The following DLGAP2 variants were observed in gnomAD, a reference collection of about 807,000 sequenced individuals.
DLGAP2 encodes the protein DLG associated protein 2, also known as disks large-associated protein 2.
DLGAP2 carries 26 observed loss-of-function variants against 100.3 expected under a neutral mutation model. That is an observed-to-expected ratio of 0.26 (90% CI 0.19 to 0.36). DLGAP2 has a LOEUF of 0.36. Ranked by LOEUF, DLGAP2 falls within the 10% of genes least tolerant of loss-of-function variation. The pLI, the probability that DLGAP2 is intolerant of heterozygous loss-of-function variation, is 1.00. For missense variants in DLGAP2, 1,858 were observed against 1,453.2 expected (o/e 1.28, Z -4.53); for synonymous variants, 886 against 630.1 (o/e 1.41, Z -6.08).
chr8:828,856 T>C (rs1384356001), intron 1 of DLGAP2, among the ~76,000 whole-genome samples: 1 of 152,236 alleles, frequency 6.6e-6, no homozygotes, highest in Non-Finnish European at 1.5e-5. Context: ...GTCCCTCCGT[T>C]TGGGGTCCCT....
chr8:1,204,387 G>C (rs1414521671), intron 2 of DLGAP2, among the ~76,000 whole-genome samples: 3 of 152,234 alleles, frequency 2.0e-5, no homozygotes, highest in Non-Finnish European at 4.4e-5. Flanking sequence ...GGATTTTGGA[G>C]TGAAGTGATA....
In DLGAP2 at chr8:1,496,873, A is replaced by C. The variant is rs145568301; in HGVS notation, c.107-4493A>C. On this transcript the variant is annotated intron_variant, in intron 3 of 14. Transcript: ENST00000637795. ...GGTTGGGTGTTGACTCCAAGGAAGC[A>C]CCAGGGCACAGAATAGCCAGACGAC... Among the ~76,000 whole-genome samples the C allele has an allele frequency of 9.7e-3, 1,478 of 152,290 alleles. 21 individuals carry two copies. The highest frequency in any genetic ancestry group is 0.041 in the Admixed American group (629 of 15,300).
chr8:791,793 C>T (rs1239316464), intron 1 of DLGAP2, among the ~76,000 whole-genome samples: 1 of 152,206 alleles, frequency 6.6e-6, no homozygotes, highest in Non-Finnish European at 1.5e-5. Context: ...CCCTTATTCA[C>T]TTTTGCTGGT....
intron 1 of DLGAP2, among the ~76,000 whole-genome samples, chr8:772,344 A>G (rs977674524): frequency 6.6e-6 from 1 of 151,772 alleles, no homozygotes; most frequent in Non-Finnish European, 1.5e-5. Context: ...TTTTTTTGAG[A>G]CAGAGTCTTG....
chr8:1,056,364 C>A (rs1802884092), intron 2 of DLGAP2, among the ~76,000 whole-genome samples: 1 of 152,134 alleles, frequency 6.6e-6, no homozygotes, highest in African/African-American at 2.4e-5. Flanking sequence ...CTCTGTGTGT[C>A]CTCTGTCCTG....
intron 8 of DLGAP2, among the ~76,000 whole-genome samples, chr8:1,663,621 T>C (rs939184829): frequency 4.6e-5 from 7 of 152,092 alleles, no homozygotes; most frequent in Non-Finnish European, 8.8e-5. Context: ...AAGCCCCCCT[T>C]TCCCTTGCGC....
intron 6 of DLGAP2, among the ~76,000 whole-genome samples, chr8:1,575,867 T>C (rs542117286): frequency 2.0e-5 from 3 of 152,072 alleles, no homozygotes; most frequent in South Asian, 2.1e-4. Flanking sequence ...CAGTCTATCA[T>C]TGATGGACAT....
At chr8:1,260,750 C>A (rs1416801728) in intron 3 of DLGAP2, among the ~76,000 whole-genome samples, 1 of 152,224 alleles carries the variant, frequency 6.6e-6, no homozygotes, top group Non-Finnish European at 1.5e-5. Context: ...TTTCTGGGGA[C>A]ATTCTAGGTC....
intron 2 of DLGAP2, among the ~76,000 whole-genome samples, chr8:996,577 C>G (rs1275260556): frequency 6.6e-6 from 1 of 152,176 alleles, no homozygotes; most frequent in South Asian, 2.1e-4. Context: ...TCTCAGTTCT[C>G]TCATGATGGA....
intron 1 of DLGAP2, among the ~76,000 whole-genome samples, chr8:750,072 C>T (rs1485676402): frequency 6.6e-6 from 1 of 152,246 alleles, no homozygotes; most frequent in African/African-American, 2.4e-5. Context: ...AGCCTTAGTT[C>T]ATCACCTCTG....
intron 8 of DLGAP2, among the ~76,000 whole-genome samples, chr8:1,644,138 C>T (rs984431306): frequency 5.9e-5 from 9 of 151,386 alleles, no homozygotes; most frequent in Non-Finnish European, 1.3e-4. Context: ...TGTCACCCCT[C>T]GGGGCTGAAA....
rs1210104991 is a variant in DLGAP2, at chr8:1,701,737, A to T, written c.*331A>T. 1 of 365,638 alleles carries T rather than the reference A, an allele frequency of 2.7e-6. No homozygotes were observed. Among genetic ancestry groups the T allele is most frequent in the Admixed American group, 4.4e-5 (1 of 22,792 alleles). 22.6% of individuals were successfully genotyped at this position (365,638 alleles called of 1,614,324 possible). On this transcript the variant is annotated 3_prime_UTR_variant, in exon 15 of 15. Coordinates refer to ENST00000637795, the MANE Select transcript of DLGAP2 (RefSeq NM_001346810.2). ...TGCCTCTGGAGCTGGAACCCAGCTT[A>T]CATTTTGTTATTTCTATTTTTATAA...
chr8:1,010,306 G>T (rs1353534305), intron 2 of DLGAP2, among the ~76,000 whole-genome samples: 1 of 139,944 alleles, frequency 7.1e-6, no homozygotes, highest in Non-Finnish European at 1.5e-5. Flanking sequence ...TCAGATATCA[G>T]TTTTATACAC....
At chr8:1,026,610 C>G (rs530937506) in intron 2 of DLGAP2, among the ~76,000 whole-genome samples, 2 of 152,200 alleles carry the variant, frequency 1.3e-5, no homozygotes, top group African/African-American at 4.8e-5. Flanking sequence ...CATCTGGAAA[C>G]TGACAAAATT....
chr8:1,006,332 C>G (rs1801107995), intron 2 of DLGAP2, among the ~76,000 whole-genome samples: 1 of 152,222 alleles, frequency 6.6e-6, no homozygotes, highest in Admixed American at 6.5e-5. Context: ...GGTCCTTTAT[C>G]ACGTCAGGGG....
At chr8:816,619 T>A (rs991842299) in intron 1 of DLGAP2, among the ~76,000 whole-genome samples, 1 of 152,108 alleles carries the variant, frequency 6.6e-6, no homozygotes, top group African/African-American at 2.4e-5. Flanking sequence ...CCTTTATAGG[T>A]TAGCTGATGC....
At chr8:1,172,269 G>T (rs958890568) in intron 2 of DLGAP2, among the ~76,000 whole-genome samples, 1 of 152,164 alleles carries the variant, frequency 6.6e-6, no homozygotes, top group Non-Finnish European at 1.5e-5. Context: ...AGTCTGATGG[G>T]CTTCCCTTTG....
intron 3 of DLGAP2, among the ~76,000 whole-genome samples, chr8:1,318,654 A>G (rs538381486): frequency 7.2e-5 from 11 of 151,986 alleles, no homozygotes; most frequent in African/African-American, 2.4e-4. Flanking sequence ...ATCTGTGGCT[A>G]TAAGTTAAAT....
chr8:1,068,535 G>A (rs910554115), intron 2 of DLGAP2, among the ~76,000 whole-genome samples: 1 of 152,212 alleles, frequency 6.6e-6, no homozygotes, highest in African/African-American at 2.4e-5. Context: ...GGGGACTAAG[G>A]CTGTCCCGGT....
Sources: allele counts gnomAD v4.1 joint callset (sites outside exome capture counted in the v4.1 genomes callset), GRCh38; gene constraint gnomAD v4.1.1; transcripts MANE v1.5; gene names NCBI Gene and HGNC (gene_info 2026-07-23, HGNC 2026-07-21).